Variants in TBC1D8 observed in about 807,000 individuals in gnomAD.
The protein encoded by TBC1D8 is BUB2-like protein 1.
A neutral mutation model predicts 118.8 loss-of-function variants in TBC1D8; 65 were observed. The observed-to-expected ratio is 0.55, with a 90% confidence interval of 0.45 to 0.67. TBC1D8 has a LOEUF of 0.67. Ranked by LOEUF, TBC1D8 falls within the 30% of genes least tolerant of loss-of-function variation. The pLI, the probability that TBC1D8 is intolerant of heterozygous loss-of-function variation, is 0.00. For synonymous variants in TBC1D8, 566 were observed against 595.8 expected, an observed-to-expected ratio of 0.95 and a Z score of 0.73; for missense variants, 1,376 against 1,471.2, an observed-to-expected ratio of 0.94 and a Z score of 1.06.
intron 1 of TBC1D8, among the ~76,000 whole-genome samples, chr2:101,137,031 C>CTTTTTTT (rs34792672): frequency 8.3e-6 from 1 of 121,062 alleles, no homozygotes; most frequent in Non-Finnish European, 1.7e-5. Context: ...TAGGCTAATT[C>CTTTTTTT]TTTTTTTTTT....
In TBC1D8 at chr2:101,126,723, GA is replaced by G. The variant is rs754829556; in HGVS notation, c.127+24403del. Among the ~76,000 whole-genome samples the G allele has an allele frequency of 1.7e-4, 26 of 152,200 alleles. 1 individual carries two copies. Among genetic ancestry groups the G allele is most frequent in the African/African-American group, 4.8e-5 (2 of 41,440 alleles). ...ATGTTTCTCAAAAATAGGAAGACTG[GA>G]AGAAGGAAGCATTACAAGCTAAGCT... On this transcript the variant is annotated intron_variant, in intron 1 of 19. Transcript: ENST00000409318.
intron 1 of TBC1D8, among the ~76,000 whole-genome samples, chr2:101,150,427 G>C (rs79969890): frequency 1.3e-5 from 2 of 152,044 alleles, no homozygotes; most frequent in African/African-American, 4.8e-5. Flanking sequence ...GCAAGTTGGC[G>C]TCAATTTCAA....
At chr2:101,135,041 G>A (rs865859971) in intron 1 of TBC1D8, among the ~76,000 whole-genome samples, 2 of 152,062 alleles carry the variant, frequency 1.3e-5, no homozygotes, top group South Asian at 2.1e-4. Flanking sequence ...GTGTGGTGGC[G>A]GGCGCCTGCA....
intron 1 of TBC1D8, among the ~76,000 whole-genome samples, chr2:101,108,695 C>A (rs961267388): frequency 6.6e-6 from 1 of 152,090 alleles, no homozygotes; most frequent in African/African-American, 2.4e-5. Flanking sequence ...GTTATAAGAA[C>A]CCTTGTGATC....
Position 101,008,204 on chromosome 2 carries a change from A to G in TBC1D8, c.3085T>C (p.Tyr1029His), listed in dbSNP as rs1274906111. The change falls in exon 20 of 20, where the codon TAT becomes CAT. Residue 1029 changes from tyrosine to histidine, a missense_variant. Transcript: ENST00000409318. ...FHEDPEENDLYQAIATVTTLL... is the reference protein window; with the variant it reads ...FHEDPEENDLHQAIATVTTLL... ...GTGGTGACTGTGGCGATGGCTTGAT[A>G]CAAATCATTTTCTTCTGGATCTTCA... is the stretch of plus-strand genomic sequence containing the variant. 1 of 1,608,800 alleles carries G rather than the reference A, an allele frequency of 6.2e-7. No homozygotes were observed. The highest frequency in any genetic ancestry group is 8.5e-7 in the Non-Finnish European group (1 of 1,177,696).
At chr2:101,071,579 T>C (rs1674438915) in intron 2 of TBC1D8, among the ~76,000 whole-genome samples, 1 of 152,204 alleles carries the variant, frequency 6.6e-6, no homozygotes, top group South Asian at 2.1e-4. Context: ...TTAAGAATGA[T>C]GAAAGGTATT....
At chr2:101,149,948 C>T (rs1249653688) in intron 1 of TBC1D8, among the ~76,000 whole-genome samples, 1 of 152,240 alleles carries the variant, frequency 6.6e-6, no homozygotes, top group Non-Finnish European at 1.5e-5. Flanking sequence ...TAACTACACT[C>T]TGCCCCTTCC....
intron 16 of TBC1D8, 97 bp downstream of exon 16, chr2:101,022,184 C>A (rs1316982565): frequency 1.9e-6 from 3 of 1,562,258 alleles, no homozygotes; most frequent in Admixed American, 2.0e-5. Flanking sequence ...AAAAGTGTTA[C>A]ACCATGTGCA....
intron 1 of TBC1D8, among the ~76,000 whole-genome samples, chr2:101,113,681 C>T (rs140114693): frequency 1.6e-4 from 24 of 152,274 alleles, no homozygotes; most frequent in African/African-American, 5.8e-4. Context: ...TGGAGGCACT[C>T]CTGGATCAGA....
At chr2:101,028,926 A>C (rs1181803188) in intron 12 of TBC1D8, among the ~76,000 whole-genome samples, 1 of 152,158 alleles carries the variant, frequency 6.6e-6, no homozygotes, top group African/African-American at 2.4e-5. Context: ...TCTAAATGCA[A>C]GACATTTAAT....
In TBC1D8 at chr2:101,145,132, AC is replaced by A. The variant is rs1228328696; in HGVS notation, c.127+5994del. Reference sequence around the variant, plus strand: ...AAAGGCCACCCTCCAGTATCCCACCACCTGCACAATTTGTACCTTATATTAT... The same window carrying A: ...AAAGGCCACCCTCCAGTATCCCACCACTGCACAATTTGTACCTTATATTAT... On this transcript the variant is annotated intron_variant, in intron 1 of 19. Coordinates refer to ENST00000409318, the MANE Select transcript of TBC1D8 (RefSeq NM_001330348.2). Among the ~76,000 whole-genome samples, 17 of 152,232 alleles carry A rather than the reference AC, an allele frequency of 1.1e-4. No homozygotes were observed. In the East Asian group the frequency reaches 2.9e-3, roughly 26 times the overall value.
At chr2:101,081,764 G>C (rs1485596831) in intron 2 of TBC1D8, among the ~76,000 whole-genome samples, 2 of 152,208 alleles carry the variant, frequency 1.3e-5, no homozygotes, top group African/African-American at 4.8e-5. Flanking sequence ...TCAAAGTCCT[G>C]CAGTTCTTGC....
chr2:101,136,159 G>T (rs1678847009), intron 1 of TBC1D8, among the ~76,000 whole-genome samples: 1 of 152,120 alleles, frequency 6.6e-6, no homozygotes, highest in Non-Finnish European at 1.5e-5. Context: ...GCCTCACGTT[G>T]AAATTTGATC....
intron 11 of TBC1D8, 56 bp from the exon 12 acceptor site, chr2:101,029,832 A>G: frequency 6.5e-7 from 1 of 1,541,538 alleles, no homozygotes; most frequent in South Asian, 1.2e-5. Flanking sequence ...CTCTAAGGTC[A>G]GTCTGAAATT....
At position 101,054,140 on chromosome 2, in the gene TBC1D8, AGGT is replaced by A; in HGVS notation, c.596_598del (p.His199del). Reference sequence around the variant, plus strand: ...GCCCAGGAAGAAGGAGTAGAAGCAGAGGTGGTTGATGCTGAGGTACAGCCAGCC... The same window carrying A: ...GCCCAGGAAGAAGGAGTAGAAGCAGAGGTTGATGCTGAGGTACAGCCAGCC... On this transcript the variant is annotated inframe_deletion, in exon 4 of 20. Coordinates refer to ENST00000409318, the MANE Select transcript of TBC1D8 (RefSeq NM_001330348.2). 6.2e-7 allele frequency: 1 copy of A among 1,613,268 alleles called. No homozygotes were observed. The highest frequency in any genetic ancestry group is 8.5e-7 in the Non-Finnish European group (1 of 1,179,702).
chr2:101,096,116 ATCTC>A (rs748868924), intron 1 of TBC1D8, among the ~76,000 whole-genome samples: 3 of 152,038 alleles, frequency 2.0e-5, no homozygotes, highest in Admixed American at 6.6e-5. Context: ...AGAGATGGGG[ATCTC>A]TCTATGTTGC....
chr2:101,034,912 G>A (rs1204784342), intron 9 of TBC1D8, among the ~76,000 whole-genome samples: 4 of 152,170 alleles, frequency 2.6e-5, no homozygotes, highest in Non-Finnish European at 5.9e-5. Flanking sequence ...GATGAGGGGC[G>A]CAGTGGTGCA....
At chr2:101,107,876 A>G (rs950293824) in intron 1 of TBC1D8, among the ~76,000 whole-genome samples, 12 of 152,154 alleles carry the variant, frequency 7.9e-5, no homozygotes, top group African/African-American at 2.9e-4. Context: ...GGACAGCATC[A>G]ATAAAGGTAA....
Position 101,050,556 on chromosome 2 carries a change from C to G in TBC1D8, c.717G>C (p.Thr239=), listed in dbSNP as rs375205349. Residue 239 remains threonine, a synonymous_variant, in exon 5 of 20, where the codon ACG becomes ACC. Transcript: ENST00000409318. ...TGGAGAAGTCACGCTCCTTATTCTG[C>G]GTGGTGATTCGGATGGTATCCGTCA... ...VFLTDTIRIT[T]QNKERDFSMF... 6.2e-7 allele frequency: 1 copy of G among 1,613,994 alleles called. No individual in the cohort carries two copies. Among genetic ancestry groups the G allele is most frequent in the Non-Finnish European group, 8.5e-7 (1 of 1,179,880 alleles).
Sources: allele counts gnomAD v4.1 joint callset (sites outside exome capture counted in the v4.1 genomes callset), GRCh38; gene constraint gnomAD v4.1.1; transcripts MANE v1.5; gene names NCBI Gene and HGNC (gene_info 2026-07-23, HGNC 2026-07-21).